The following COL4A6 variants were observed in gnomAD, a reference collection of about 807,000 sequenced individuals.
COL4A6 encodes collagen alpha-6(IV) chain.
A neutral mutation model predicts 126.7 loss-of-function variants in COL4A6; 59 were observed. That is an observed-to-expected ratio of 0.47 (90% CI 0.38 to 0.58). COL4A6 has a LOEUF of 0.58. Ranked by LOEUF, COL4A6 falls within the 20% of genes least tolerant of loss-of-function variation. The pLI, the probability that COL4A6 is intolerant of heterozygous loss-of-function variation, is 0.00. For synonymous variants in COL4A6, 547 were observed against 496.6 expected, an observed-to-expected ratio of 1.10 and a Z score of -1.35; for missense variants, 1,285 against 1,337.3, an observed-to-expected ratio of 0.96 and a Z score of 0.61.
chrX:108,326,289 A>T (rs761120719), intron 2 of COL4A6, among the ~76,000 whole-genome samples: 41 of 112,732 alleles, frequency 3.6e-4, no homozygotes, highest in African/African-American at 1.3e-3. Context: ...TAAAAATGTC[A>T]TATGATAACA....
At chrX:108,396,161 C>G (rs1225903737) in intron 2 of COL4A6, among the ~76,000 whole-genome samples, 1 of 111,318 alleles carries the variant, frequency 9.0e-6, no homozygotes, top group African/African-American at 3.3e-5. Flanking sequence ...ACACTGTCAA[C>G]TGTCTGCAGA....
intron 2 of COL4A6, among the ~76,000 whole-genome samples, chrX:108,343,355 A>G (rs954421730): frequency 9.1e-6 from 1 of 109,402 alleles, no homozygotes; most frequent in Non-Finnish European, 1.9e-5. Context: ...CGAGATGTAT[A>G]GACAATGATA....
chrX:108,179,317 G>C lies in COL4A6; in HGVS notation c.2253C>G (p.Asp751Glu). 8.3e-7 allele frequency: 1 copy of C among 1,211,236 alleles called. No individual in the cohort carries two copies. The highest frequency in any genetic ancestry group is 1.1e-6 in the Non-Finnish European group (1 of 895,242). Residue 751 changes from aspartate to glutamate, a missense_variant, in exon 26 of 45, where the codon GAC becomes GAG. Asp to Glu is a conservative substitution (Grantham distance 45, BLOSUM62 2). Transcript: ENST00000334504. ...GAGCACCATTTTCAGCACCAAAGAT[G>C]TCACCAGTGGCTCCCTTGGAACCAG... Reference protein sequence around the residue: ...GLPGSKGATGDIFGAENGAPG... With the variant: ...GLPGSKGATGEIFGAENGAPG...
chrX:108,218,964 AC>A (rs2035936300), intron 5 of COL4A6, among the ~76,000 whole-genome samples: 1 of 112,405 alleles, frequency 8.9e-6, no homozygotes, highest in Admixed American at 9.4e-5. Context: ...AAAGGGAAAA[AC>A]TAAAAAAAGA....
chrX:108,189,206 T>C (rs1180352921), intron 20 of COL4A6, among the ~76,000 whole-genome samples: 1 of 111,999 alleles, frequency 8.9e-6, no homozygotes, highest in African/African-American at 3.2e-5. Context: ...TGAGTTTCCC[T>C]AAGATTCTGA....
In COL4A6 at chrX:108,256,063, G is replaced by A. The variant is rs1257359849; in HGVS notation, c.145-34689C>T. Reference sequence around the variant, plus strand: ...TCAGTTTCCTTATTTGAAAAAAGAAGAATTATATAGTGAAATCAGAGTTTT... The same window carrying A: ...TCAGTTTCCTTATTTGAAAAAAGAAAAATTATATAGTGAAATCAGAGTTTT... On this transcript the variant is annotated intron_variant, in intron 3 of 44. Coordinates refer to ENST00000334504, the MANE Select transcript of COL4A6 (RefSeq NM_033641.4). 2.7e-5 allele frequency among the ~76,000 whole-genome samples: 3 copies of A among 111,299 alleles called. No individual in the cohort carries two copies. The South Asian group carries it at 1.1e-3, about 42-fold the overall frequency.
chrX:108,187,018 A>G (rs2034884560), intron 23 of COL4A6, 78 bp downstream of exon 23: 1 of 851,862 alleles, frequency 1.2e-6, no homozygotes, highest in East Asian at 3.5e-5. Context: ...CTTATGATAC[A>G]TTTCATGCAC....
intron 12 of COL4A6, 50 bp from the exon 13 acceptor site, chrX:108,203,031 C>T (rs1284538704): frequency 9.5e-7 from 1 of 1,053,642 alleles, no homozygotes; most frequent in Admixed American, 2.2e-5. Context: ...GCAGTGAACG[C>T]ACAGTAGGAT....
rs138032095 is a variant in COL4A6, at chrX:108,252,608, A to G, written c.145-31234T>C. On this transcript the variant is annotated intron_variant, in intron 3 of 44. Coordinates refer to ENST00000334504, the MANE Select transcript of COL4A6 (RefSeq NM_033641.4). ...AAGAACTAATACCAATTCTTCTCAA[A>G]CTATTCCAAATAGTTAATGGAAGGA... Among the ~76,000 whole-genome samples, 514 of 111,525 alleles carry G rather than the reference A, an allele frequency of 4.6e-3. 3 individuals carry two copies. The highest frequency in any genetic ancestry group is 0.016 in the African/African-American group (479 of 30,747).
chrX:108,218,620 A>G (rs1022780781), intron 5 of COL4A6, among the ~76,000 whole-genome samples: 3 of 112,336 alleles, frequency 2.7e-5, no homozygotes, highest in Non-Finnish European at 5.6e-5. Flanking sequence ...CCCAAGGTTG[A>G]GTGCTAACAT....
chrX:108,425,733 A>C (rs112279315), intron 2 of COL4A6, among the ~76,000 whole-genome samples: 2,709 of 90,496 alleles, frequency 0.03, 81 homozygotes, highest in East Asian at 0.091. Context: ...CACACACACA[A>C]ACACACACAC....
At chrX:108,426,419 A>T (rs753208662) in intron 2 of COL4A6, among the ~76,000 whole-genome samples, 1 of 111,623 alleles carries the variant, frequency 9.0e-6, no homozygotes, top group Non-Finnish European at 1.9e-5. Context: ...CAAGCAAACC[A>T]GACTGAAAGA....
chrX:108,185,055 T>C (rs986308403), intron 23 of COL4A6, among the ~76,000 whole-genome samples: 1 of 112,115 alleles, frequency 8.9e-6, no homozygotes, highest in African/African-American at 3.2e-5. Flanking sequence ...AGCAAAGCTA[T>C]AGCTGACACT....
chrX:108,400,769 T>G (rs2041071083), intron 2 of COL4A6, among the ~76,000 whole-genome samples: 1 of 111,900 alleles, frequency 8.9e-6, no homozygotes, highest in African/African-American at 3.2e-5. Context: ...TTTCTTTATA[T>G]AGTAATGAAT....
intron 13 of COL4A6, among the ~76,000 whole-genome samples, chrX:108,201,241 C>A (rs2035382889): frequency 1.8e-5 from 2 of 111,836 alleles, no homozygotes; most frequent in Admixed American, 9.5e-5. Flanking sequence ...ACTGGCCCAG[C>A]AAGCACAGGC....
At chrX:108,424,027 T>C (rs1487083621) in intron 2 of COL4A6, among the ~76,000 whole-genome samples, 1 of 111,570 alleles carries the variant, frequency 9.0e-6, no homozygotes, top group Non-Finnish European at 1.9e-5. Context: ...AATCATCCTG[T>C]GCTCTAGCTC....
At chrX:108,398,827 G>A (rs1219908387) in intron 2 of COL4A6, among the ~76,000 whole-genome samples, 1 of 111,081 alleles carries the variant, frequency 9.0e-6, no homozygotes, top group Non-Finnish European at 1.9e-5. Context: ...GACAATCTGA[G>A]AAAAAAAGAC....
chrX:108,317,665 C>T (rs1188919453), intron 2 of COL4A6, among the ~76,000 whole-genome samples: 3 of 111,257 alleles, frequency 2.7e-5, no homozygotes, highest in African/African-American at 9.8e-5. Context: ...GTTTTCCCAG[C>T]ACCATTTATT....
chrX:108,404,478 C>T (rs2041163239), intron 2 of COL4A6, among the ~76,000 whole-genome samples: 1 of 111,496 alleles, frequency 9.0e-6, no homozygotes, highest in Non-Finnish European at 1.9e-5. Flanking sequence ...AACATCCCTG[C>T]GGAAGTTTTG....
Sources: allele counts gnomAD v4.1 joint callset (sites outside exome capture counted in the v4.1 genomes callset), GRCh38; gene constraint gnomAD v4.1.1; transcripts MANE v1.5; gene names NCBI Gene and HGNC (gene_info 2026-07-23, HGNC 2026-07-21).